Variants in AGAP6 observed in about 807,000 individuals in gnomAD.
The protein encoded by AGAP6 is arf-GAP with GTPase, ANK repeat and PH domain-containing protein 6.
A neutral mutation model predicts 63.9 loss-of-function variants in AGAP6; 29 were observed. The ratio of observed to expected loss-of-function variants is 0.45; its 90% CI spans 0.34 to 0.62. The LOEUF is 0.62. Among genes scored for constraint, AGAP6 ranks in the 20% least tolerant of loss-of-function variants. The probability of loss-of-function intolerance (pLI) is 0.01; values close to 1 mark genes in which losing one functional copy is unlikely to be tolerated. For missense variants in AGAP6, 493 were observed against 884.9 expected (o/e 0.56, Z 5.62); for synonymous variants, 199 against 332.9 (o/e 0.60, Z 4.38).
intron 3 of AGAP6, among the ~76,000 whole-genome samples, chr10:49,993,693 G>C (rs1232736796): frequency 6.6e-6 from 1 of 151,988 alleles, no homozygotes; most frequent in Admixed American, 6.6e-5. Flanking sequence ...GGTGGCATGT[G>C]CCTGTACTCC....
At chr10:50,006,425 G>A (rs1408781837) in intron 6 of AGAP6, among the ~76,000 whole-genome samples, 2 of 152,128 alleles carry the variant, frequency 1.3e-5, no homozygotes, top group Non-Finnish European at 2.9e-5. Flanking sequence ...TTTTTAGACC[G>A]AGTTTCACTC....
intron 3 of AGAP6, 22 bp downstream of exon 3, chr10:49,991,766 C>T (rs781829208): frequency 1.4e-5 from 23 of 1,597,624 alleles, no homozygotes; most frequent in East Asian, 2.2e-5. Context: ...TTGTCTTTTC[C>T]ACCAAGAGAA....
In AGAP6 at chr10:50,010,201, G is replaced by A. The variant is rs2132169986; in HGVS notation, c.*15G>A. The A allele has an allele frequency of 6.3e-7, 1 of 1,575,970 alleles. No individual in the cohort carries two copies. Among genetic ancestry groups the A allele is most frequent in the South Asian group, 1.2e-5 (1 of 84,660 alleles). ...AGTGTGTGTAGTATCTGTTTTATTT[G>A]ACTGCAGTCTCCTTGGTGCAAAAAC... On this transcript the variant is annotated 3_prime_UTR_variant, in exon 8 of 8. Coordinates refer to ENST00000412531, the MANE Select transcript of AGAP6 (RefSeq NM_001077665.3).
At position 50,008,960 on chromosome 10, in the gene AGAP6, G is replaced by A. The variant is rs782810440; in HGVS notation, c.835G>A (p.Gly279Ser). ...GAATCATGCTGACACCATCGGGAGC[G>A]GTAGAGCCATCCCCATTAAACAGGG... ...PENHADTIGSGRAIPIKQGML... is the reference protein window; with the variant it reads ...PENHADTIGSSRAIPIKQGML... The change falls in exon 8 of 8, where the codon GGT becomes AGT. Residue 279 changes from glycine to serine, a missense_variant. Transcript: ENST00000412531. 7.8e-5 allele frequency: 126 copies of A among 1,613,952 alleles called. No homozygotes were observed. The highest frequency in any genetic ancestry group is 6.3e-4 in the African/African-American group (47 of 75,016).
At chr10:50,006,599 A>G (rs1841920756) in intron 6 of AGAP6, among the ~76,000 whole-genome samples, 1 of 152,120 alleles carries the variant, frequency 6.6e-6, no homozygotes, top group African/African-American at 2.4e-5. Flanking sequence ...CTGGTCTCGA[A>G]CTCCCGAAGG....
upstream of AGAP6, chr10:49,988,386 G>A: frequency 7.8e-7 from 1 of 1,289,198 alleles, no homozygotes; most frequent in Non-Finnish European, 1.0e-6. Flanking sequence ...GGTGACTACA[G>A]AAGGAGGAGG....
At chr10:50,006,051 G>A (rs2132158282) in intron 6 of AGAP6, among the ~76,000 whole-genome samples, 1 of 151,696 alleles carries the variant, frequency 6.6e-6, no homozygotes, top group South Asian at 2.1e-4. Flanking sequence ...ACAAGTGGTG[G>A]TTTCTTAAAT....
At position 50,009,906 on chromosome 10, in the gene AGAP6, C is replaced by T. The variant is rs1443753374; in HGVS notation, c.1781C>T (p.Ala594Val). The change falls in exon 8 of 8, where the codon GCC becomes GTC. Residue 594 changes from alanine (A) to valine (V), a missense_variant. Ala to Val is a moderately conservative substitution (Grantham distance 64). This residue lies in a region of AGAP6 where 34 missense variants were observed against 82.7 expected (regional missense o/e 0.41). Transcript: ENST00000412531. ...ELSLGQQLLR[A>V]TADEDLQTAI... ...TCCCTGGGCCAGCAGCTGCTGCGGG[C>T]CACCGCTGATGAGGACCTGCAGACA... is the stretch of plus-strand genomic sequence containing the variant. 1 of 1,611,800 alleles carries T rather than the reference C, an allele frequency of 6.2e-7. No individual in the cohort carries two copies. Among genetic ancestry groups the T allele is most frequent in the Non-Finnish European group, 8.5e-7 (1 of 1,179,854 alleles).
intron 2 of AGAP6, among the ~76,000 whole-genome samples, chr10:49,991,105 T>C (rs2132117238): frequency 6.6e-6 from 1 of 152,286 alleles, no homozygotes; most frequent in Non-Finnish European, 1.5e-5. Context: ...ATAAGGCCTG[T>C]GTATGTTCTC....
At chr10:50,001,304 T>C (rs1297732053) in intron 4 of AGAP6, among the ~76,000 whole-genome samples, 2 of 150,842 alleles carry the variant, frequency 1.3e-5, no homozygotes, top group African/African-American at 4.9e-5. Context: ...CACTCCAGCC[T>C]GGGCGACAGA....
intron 7 of AGAP6, 80 bp downstream of exon 7, chr10:50,008,156 T>G: frequency 6.2e-7 from 1 of 1,610,846 alleles, no homozygotes; most frequent in Non-Finnish European, 8.5e-7. Context: ...CCATCTTTTT[T>G]TAAATCTTCC....
At chr10:50,002,484 G>GC (rs1304837341) in intron 5 of AGAP6, among the ~76,000 whole-genome samples, 3 of 109,112 alleles carry the variant, frequency 2.7e-5, no homozygotes, top group Non-Finnish European at 5.6e-5. Flanking sequence ...TCTTCTTCTG[G>GC]CACCACAGTG....
chr10:49,995,289 C>T (rs538574298), intron 4 of AGAP6, among the ~76,000 whole-genome samples: 399 of 152,288 alleles, frequency 2.6e-3, no homozygotes, highest in African/African-American at 9.2e-3. Context: ...AATCTGAGCA[C>T]TTCTGCAATT....
At chr10:49,993,274 T>C (rs1288390018) in intron 3 of AGAP6, among the ~76,000 whole-genome samples, 1 of 152,142 alleles carries the variant, frequency 6.6e-6, no homozygotes, top group African/African-American at 2.4e-5. Flanking sequence ...TCCAGAGGCA[T>C]GGGCTTCTCA....
At position 50,008,093 on chromosome 10, in the gene AGAP6, T is replaced by C; in HGVS notation, c.585+17T>C. 2 of 1,611,942 alleles carry C rather than the reference T, an allele frequency of 1.2e-6. No homozygotes were observed. The highest frequency in any genetic ancestry group is 1.7e-6 in the Non-Finnish European group (2 of 1,179,836). ...TCATTTGCGGTAAGTGGCACTTTTA[T>C]TGAGGTTGTATTTTCATCATACACT... On this transcript the variant is annotated intron_variant, in intron 7 of 7. Transcript: ENST00000412531.
At chr10:49,991,808 G>A in intron 3 of AGAP6, 64 bp downstream of exon 3, 1 of 1,588,028 alleles carries the variant, frequency 6.3e-7, no homozygotes, top group East Asian at 2.2e-5. Context: ...TCAGGTTATA[G>A]AAAGTATTTA....
At chr10:49,991,158 C>T (rs1841258212) in intron 2 of AGAP6, among the ~76,000 whole-genome samples, 1 of 152,012 alleles carries the variant, frequency 6.6e-6, no homozygotes, top group Non-Finnish European at 1.5e-5. Flanking sequence ...AGAGATATCA[C>T]ATGACTATGG....
intron 4 of AGAP6, among the ~76,000 whole-genome samples, chr10:49,995,709 C>T (rs537307215): frequency 2.6e-5 from 4 of 152,120 alleles, no homozygotes; most frequent in Admixed American, 6.6e-5. Context: ...TCTGTGTTTC[C>T]TTCTGTCCTG....
intron 5 of AGAP6, among the ~76,000 whole-genome samples, chr10:50,003,705 T>G (rs1260426428): frequency 4.0e-4 from 61 of 152,320 alleles, no homozygotes; most frequent in African/African-American, 1.4e-3. Context: ...CAGCAAAGTT[T>G]GAGAGCCACT....
Sources: gnomAD v4.1 joint callset for allele counts (sites outside exome capture counted in the v4.1 genomes callset) on GRCh38, gnomAD v4.1.1 for gene constraint, gnomAD v4.1.1 regional missense constraint, MANE v1.5 for transcripts, NCBI Gene and HGNC (gene_info 2026-07-23, HGNC 2026-07-21) for gene names.